The following EARS2 variants were observed in gnomAD, a reference collection of about 807,000 sequenced individuals.
EARS2 encodes the protein glutamyl-tRNA synthetase 2, mitochondrial.
A neutral mutation model predicts 54.1 loss-of-function variants in EARS2; 50 were observed. The observed-to-expected ratio is 0.92, with a 90% CI of 0.74 to 1.17. The LOEUF (loss-of-function observed/expected upper bound fraction) is 1.17, where lower values mean the gene tolerates loss of function less well. EARS2 is among the 50% of genes most tolerant of loss of function. The pLI is 0.00. For missense variants in EARS2, 673 were observed against 675.0 expected (o/e 1.00, Z 0.03); for synonymous variants, 298 against 281.0 (o/e 1.06, Z -0.61).
At chr16:23,533,984 A>C (rs1401057769) in intron 4 of EARS2, among the ~76,000 whole-genome samples, 1 of 151,574 alleles carries the variant, frequency 6.6e-6, no homozygotes, top group Admixed American at 6.6e-5. Flanking sequence ...TGAACCCAGG[A>C]GACGGAGGTT....
At chr16:23,531,692 G>T (rs954217279) in intron 5 of EARS2, among the ~76,000 whole-genome samples, 3 of 152,208 alleles carry the variant, frequency 2.0e-5, no homozygotes, top group African/African-American at 4.8e-5. Context: ...ATCTGCAACT[G>T]ATGTTAATTC....
intron 5 of EARS2, among the ~76,000 whole-genome samples, chr16:23,530,186 C>T (rs1415998842): frequency 6.6e-6 from 1 of 151,964 alleles, no homozygotes; most frequent in African/African-American, 2.4e-5. Context: ...AGTGCAGTAC[C>T]ACGATCATGG....
In EARS2 at chr16:23,552,454, G is replaced by A. The variant is rs1965712637; in HGVS notation, c.140-150C>T. The A allele has an allele frequency of 4.6e-6, 4 of 866,648 alleles. No homozygotes were observed. The South Asian group carries it at 7.3e-5, about 16-fold the overall frequency. 53.7% of individuals were successfully genotyped at this position (866,648 alleles called of 1,614,324 possible). A position where few individuals can be genotyped will look rare whatever the true frequency, so the allele number is the denominator to read the frequency against. On this transcript the variant is annotated intron_variant, in intron 1 of 8. Coordinates refer to ENST00000449606, the MANE Select transcript of EARS2 (RefSeq NM_001083614.2). ...TCACGCCTGTAATCCTACCACTTTG[G>A]GAGGCCAAGGCCGGGGGGATCACTT...
At chr16:23,547,129 C>T (rs1965615989) in intron 2 of EARS2, among the ~76,000 whole-genome samples, 1 of 152,080 alleles carries the variant, frequency 6.6e-6, no homozygotes, top group African/African-American at 2.4e-5. Flanking sequence ...TGCTCATTCA[C>T]TAGTGATGAA....
intron 3 of EARS2, among the ~76,000 whole-genome samples, chr16:23,539,843 A>G (rs1271696637): frequency 6.6e-6 from 1 of 152,028 alleles, no homozygotes; most frequent in Admixed American, 6.6e-5. Flanking sequence ...CATCTCTACA[A>G]AAATTTAAAA....
rs1965163738 is a variant in EARS2, at chr16:23,522,942, T to C, written c.*1429A>G. 1 of 152,182 alleles carries C rather than the reference T, an allele frequency of 6.6e-6. No individual in the cohort carries two copies. Among genetic ancestry groups the C allele is most frequent in the Non-Finnish European group, 1.5e-5 (1 of 68,042 alleles). 9.4% of individuals were successfully genotyped at this position (152,182 alleles called of 1,614,324 possible). ...TGGGAGGCCTCGATCCCTTGTCATG[T>C]GGAGCACTCCATAAGGCTGCTTGAG... is the stretch of plus-strand genomic sequence containing the variant. On this transcript the variant is annotated 3_prime_UTR_variant, in exon 9 of 9. Coordinates refer to ENST00000449606, the MANE Select transcript of EARS2 (RefSeq NM_001083614.2).
At chr16:23,545,916 A>G (rs1192691077) in intron 2 of EARS2, among the ~76,000 whole-genome samples, 4 of 152,052 alleles carry the variant, frequency 2.6e-5, no homozygotes, top group Non-Finnish European at 4.4e-5. Context: ...TCCAATTTCT[A>G]GGCTCAAGTG....
At chr16:23,529,406 G>C in intron 7 of EARS2, 96 bp downstream of exon 7, 1 of 1,488,766 alleles carries the variant, frequency 6.7e-7, no homozygotes, top group Non-Finnish European at 9.0e-7. Flanking sequence ...GAGTTGTGCT[G>C]GGGCCCCAAC....
intron 1 of EARS2, 185 bp downstream of exon 1, chr16:23,557,020 T>C (rs1176208328): frequency 4.4e-6 from 4 of 916,160 alleles, no homozygotes; most frequent in Admixed American, 4.4e-5. Flanking sequence ...AAGAAACTCC[T>C]GGCAATTTGA....
intron 2 of EARS2, among the ~76,000 whole-genome samples, chr16:23,548,031 C>A (rs1811036962): frequency 6.6e-6 from 1 of 151,858 alleles, no homozygotes; most frequent in South Asian, 2.1e-4. Context: ...GAGATCAAGA[C>A]CATCCTGGCT....
chr16:23,525,551 G>A (rs566965362), intron 7 of EARS2, among the ~76,000 whole-genome samples, 172 bp from the exon 8 acceptor site: 1 of 152,140 alleles, frequency 6.6e-6, no homozygotes, highest in Admixed American at 6.6e-5. Context: ...TATCCAGGTC[G>A]GGAAGGAAAA....
Position 23,535,241 on chromosome 16 carries a change from A to G in EARS2, c.605T>C (p.Val202Ala), listed in dbSNP as rs773962165. Residue 202 changes from valine to alanine, a missense_variant, in exon 4 of 9, where the codon GTC becomes GCC. Transcript: ENST00000449606. ...CACTTCATGCCTATTCCAGCCATAG[A>G]CCAGGTCCTGGAAGGCTGGCACCAC... Reference protein sequence around the residue: ...EQVVPAFQDLVYGWNRHEVAS... With the variant: ...EQVVPAFQDLAYGWNRHEVAS... The G allele has an allele frequency of 6.2e-7, 1 of 1,612,342 alleles. No individual in the cohort carries two copies. The highest frequency in any genetic ancestry group is 1.3e-5 in the African/African-American group (1 of 74,870).
Position 23,527,800 on chromosome 16 carries a change from G to A in EARS2, c.1352+1702C>T, listed in dbSNP as rs575853166. 4.3e-4 allele frequency among the ~76,000 whole-genome samples: 66 copies of A among 152,204 alleles called. 1 individual carries two copies. The highest frequency in any genetic ancestry group is 1.5e-3 in the African/African-American group (61 of 41,532). ...GATCTCCTGACCTCGTGATCGGCCC[G>A]CCTGGGCCTCACAAAGTGCTGGGAT... On this transcript the variant is annotated intron_variant, in intron 7 of 8. Transcript: ENST00000449606.
intron 4 of EARS2, among the ~76,000 whole-genome samples, chr16:23,534,161 G>A (rs1305723066): frequency 6.6e-6 from 1 of 152,166 alleles, no homozygotes; most frequent in Non-Finnish European, 1.5e-5. Flanking sequence ...TAGGCCTAAA[G>A]CGCTATATCC....
intron 2 of EARS2, chr16:23,546,560 G>GTATT (rs934402802): frequency 2.5e-6 from 1 of 396,752 alleles, no homozygotes; most frequent in East Asian, 7.4e-5. Flanking sequence ...TGGTATTTAT[G>GTATT]TATTTATTTA....
rs1326179317 is a variant in EARS2 at position 23,522,826 on chromosome 16, C to T, written c.*1545G>A. ...GGCTTAGGGTCTCCCATAGAGGTCA[C>T]AAGCGAGATCAGCTAGGATTGCGGT... On this transcript the variant is annotated 3_prime_UTR_variant, in exon 9 of 9. Coordinates refer to ENST00000449606, the MANE Select transcript of EARS2 (RefSeq NM_001083614.2). 1 of 152,198 alleles carries T rather than the reference C, an allele frequency of 6.6e-6. No individual in the cohort carries two copies. Among genetic ancestry groups the T allele is most frequent in the Non-Finnish European group, 1.5e-5 (1 of 68,052 alleles). The allele number at this position is 152,198 out of a possible 1,614,324, so 9.4% of individuals were successfully genotyped here.
intron 4 of EARS2, among the ~76,000 whole-genome samples, chr16:23,533,971 G>C (rs1014113959): frequency 6.6e-6 from 1 of 151,782 alleles, no homozygotes; most frequent in Admixed American, 6.6e-5. Context: ...CAGGACAATC[G>C]CTTGAACCCA....
intron 2 of EARS2, chr16:23,545,312 C>G (rs1965585655): frequency 7.0e-6 from 1 of 143,764 alleles, no homozygotes; most frequent in Non-Finnish European, 1.5e-5. Flanking sequence ...GAGAAACAAG[C>G]CCAGGCCTGG....
chr16:23,542,865 A>G (rs1489759180), intron 3 of EARS2, among the ~76,000 whole-genome samples: 1 of 151,968 alleles, frequency 6.6e-6, no homozygotes, highest in Non-Finnish European at 1.5e-5. Context: ...CTGTAATCCC[A>G]GCACTTTGGG....
Sources: allele counts gnomAD v4.1 joint callset (sites outside exome capture counted in the v4.1 genomes callset), GRCh38; gene constraint gnomAD v4.1.1; transcripts MANE v1.5; gene names NCBI Gene and HGNC (gene_info 2026-07-23, HGNC 2026-07-21).